The following ELOVL6 variants were observed in gnomAD, a reference collection of about 807,000 sequenced individuals.
The protein encoded by ELOVL6 is very long chain fatty acid elongase 6.
In ELOVL6, 8 loss-of-function variants were observed where a neutral mutation model predicts 31.7. The ratio of observed to expected loss-of-function variants is 0.25; its 90% CI spans 0.15 to 0.45. The LOEUF (loss-of-function observed/expected upper bound fraction) is 0.45. ELOVL6 is among the 20% of genes least tolerant of loss of function. The probability of loss-of-function intolerance (pLI) is 1.00; values close to 1 mark genes in which losing one functional copy is unlikely to be tolerated. For missense variants in ELOVL6, 126 were observed against 326.4 expected (o/e 0.39, Z 4.73); for synonymous variants, 101 against 117.7 (o/e 0.86, Z 0.92).
chr4:110,053,484 C>T (rs773862915), intron 3 of ELOVL6, among the ~76,000 whole-genome samples: 2 of 152,156 alleles, frequency 1.3e-5, no homozygotes, highest in Non-Finnish European at 2.9e-5. Context: ...CTGTTAAACA[C>T]TATTATTTCA....
At chr4:110,175,424 G>A (rs1759073701) in intron 1 of ELOVL6, among the ~76,000 whole-genome samples, 2 of 151,968 alleles carry the variant, frequency 1.3e-5, no homozygotes, top group Admixed American at 1.3e-4. Context: ...CTATAAAATG[G>A]AGATGAAAAA....
intron 1 of ELOVL6, among the ~76,000 whole-genome samples, chr4:110,135,764 G>A (rs2096960790): frequency 1.3e-5 from 2 of 152,164 alleles, no homozygotes; most frequent in Admixed American, 6.6e-5. Context: ...GTCTGATCCA[G>A]TGCCAGGCAC....
chr4:110,121,353 T>C (rs187904482), intron 1 of ELOVL6, among the ~76,000 whole-genome samples: 102 of 152,312 alleles, frequency 6.7e-4, no homozygotes, highest in Non-Finnish European at 8.8e-4. Context: ...TAAATATCAT[T>C]CAGGAAAAAA....
At chr4:110,090,619 T>TTTTTC (rs1339267305) in intron 2 of ELOVL6, among the ~76,000 whole-genome samples, 1 of 148,564 alleles carries the variant, frequency 6.7e-6, no homozygotes, top group African/African-American at 2.5e-5. Context: ...TTTTTTTTTT[T>TTTTTC]TCATGAGACG....
chr4:110,139,531 C>A (rs758851379), intron 1 of ELOVL6, among the ~76,000 whole-genome samples: 11 of 152,080 alleles, frequency 7.2e-5, no homozygotes, highest in Non-Finnish European at 1.5e-4. Context: ...TCTGCTAGAC[C>A]TGGACTTTTT....
intron 1 of ELOVL6, among the ~76,000 whole-genome samples, chr4:110,150,975 G>A (rs902723124): frequency 4.0e-5 from 6 of 151,872 alleles, no homozygotes; most frequent in East Asian, 3.9e-4. Flanking sequence ...CCTGGGAGGC[G>A]GAGGTTGCAG....
intron 1 of ELOVL6, among the ~76,000 whole-genome samples, chr4:110,175,353 G>C (rs1015957599): frequency 6.6e-6 from 1 of 151,988 alleles, no homozygotes; most frequent in Non-Finnish European, 1.5e-5. Context: ...CTGCACTCCA[G>C]CCTGGGCAAC....
chr4:110,158,657 A>ATATATATT lies in ELOVL6; in HGVS notation c.89+39589_89+39590insAATATATA. Among the ~76,000 whole-genome samples the ATATATATT allele has an allele frequency of 1.3e-3, 96 of 74,150 alleles. 2 individuals carry two copies. Among genetic ancestry groups the ATATATATT allele is most frequent in the African/African-American group, 7.5e-3 (91 of 12,062 alleles). 48.6% of individuals were successfully genotyped at this position (74,150 alleles called of 152,430 possible). A position where few individuals can be genotyped will look rare whatever the true frequency, so the allele number is the denominator to read the frequency against. On this transcript the variant is annotated intron_variant, in intron 1 of 3. Coordinates refer to ENST00000302274, the MANE Select transcript of ELOVL6 (RefSeq NM_024090.3). ...CGTGTATATATATATATATATATAT[A>ATATATATT]TTTTTTTTTTTTTTTTTTTTGAGAC...
Position 110,049,343 on chromosome 4 carries a change from C to G in ELOVL6, c.*1995G>C, listed in dbSNP as rs1754776803. 2 of 152,518 alleles carry G rather than the reference C, an allele frequency of 1.3e-5. No individual in the cohort carries two copies. The highest frequency in any genetic ancestry group is 4.8e-5 in the African/African-American group (2 of 41,442). The allele number at this position is 152,518 out of a possible 1,614,324, so 9.4% of individuals were successfully genotyped here. ...CACTCCCCATTTCTTCCAGTCATGA[C>G]TTGGTTTGCATGGATTCTTTGTTCA... On this transcript the variant is annotated 3_prime_UTR_variant, in exon 4 of 4. Coordinates refer to ENST00000302274, the MANE Select transcript of ELOVL6 (RefSeq NM_024090.3).
At chr4:110,120,793 C>G (rs868806451) in intron 1 of ELOVL6, among the ~76,000 whole-genome samples, 5 of 128,954 alleles carry the variant, frequency 3.9e-5, no homozygotes, top group African/African-American at 5.4e-5. Flanking sequence ...TCTTTTTTTT[C>G]TTTTCTTTTT....
intron 1 of ELOVL6, among the ~76,000 whole-genome samples, chr4:110,128,037 G>A (rs1290621103): frequency 6.7e-6 from 1 of 148,910 alleles, no homozygotes; most frequent in Non-Finnish European, 1.5e-5. Context: ...GAGAGATCCT[G>A]TCTCAAAAAA....
chr4:110,050,717 T>G lies in ELOVL6; in HGVS notation c.*621A>C, dbSNP rs1215902812. The stretch of plus-strand genomic sequence containing the variant: ...CTGAGGCTATGCAGTGAAGATGAAG[T>G]TAGTTGAAATATAGTTGTTTACATC... On this transcript the variant is annotated 3_prime_UTR_variant, in exon 4 of 4. Transcript: ENST00000302274. 1.3e-5 allele frequency: 2 copies of G among 153,136 alleles called. No individual in the cohort carries two copies. The highest frequency in any genetic ancestry group is 2.4e-5 in the African/African-American group (1 of 41,472). The allele number at this position is 153,136 out of a possible 1,614,324, so 9.5% of individuals were successfully genotyped here. A position where few individuals can be genotyped will look rare whatever the true frequency, so the allele number is the denominator to read the frequency against.
intron 3 of ELOVL6, among the ~76,000 whole-genome samples, chr4:110,054,952 C>T (rs902379274): frequency 5.9e-5 from 9 of 152,084 alleles, no homozygotes; most frequent in African/African-American, 2.2e-4. Context: ...ATGGTGGGTG[C>T]GGGAATGAAA....
At chr4:110,176,820 C>T (rs1348735375) in intron 1 of ELOVL6, among the ~76,000 whole-genome samples, 1 of 152,202 alleles carries the variant, frequency 6.6e-6, no homozygotes, top group African/African-American at 2.4e-5. Flanking sequence ...TCACTGCAAC[C>T]TGTCTCCCAG....
intron 1 of ELOVL6, among the ~76,000 whole-genome samples, chr4:110,196,851 G>A (rs978325369): frequency 2.6e-5 from 4 of 152,142 alleles, no homozygotes; most frequent in Non-Finnish European, 2.9e-5. Flanking sequence ...GGACCAGCCC[G>A]CGGGAAGCTG....
chr4:110,070,676 C>A (rs529195311), intron 2 of ELOVL6, among the ~76,000 whole-genome samples: 1 of 152,112 alleles, frequency 6.6e-6, no homozygotes, highest in African/African-American at 2.4e-5. Flanking sequence ...TCCCCCTTGC[C>A]GTTCTTGTGA....
At chr4:110,079,028 A>C (rs1335696168) in intron 2 of ELOVL6, among the ~76,000 whole-genome samples, 1 of 152,224 alleles carries the variant, frequency 6.6e-6, no homozygotes, top group African/African-American at 2.4e-5. Flanking sequence ...TCAATTCAAC[A>C]AGAAGAGATA....
At chr4:110,152,379 C>T (rs1162804524) in intron 1 of ELOVL6, among the ~76,000 whole-genome samples, 1 of 152,182 alleles carries the variant, frequency 6.6e-6, no homozygotes. Context: ...CTATTGTCAT[C>T]CTATTAGAAT....
At chr4:110,179,501 C>T (rs755228908) in intron 1 of ELOVL6, among the ~76,000 whole-genome samples, 194 of 152,140 alleles carry the variant, frequency 1.3e-3, no homozygotes, top group Non-Finnish European at 2.4e-3. Context: ...AGCAAAATTC[C>T]ATTTCAAAAG....
Sources: gnomAD v4.1 joint callset for allele counts (sites outside exome capture counted in the v4.1 genomes callset) on GRCh38, gnomAD v4.1.1 for gene constraint, MANE v1.5 for transcripts, NCBI Gene and HGNC (gene_info 2026-07-23, HGNC 2026-07-21) for gene names.